ARID5B: variants seen among roughly 807,000 people sequenced by gnomAD.
ARID5B encodes the protein AT-rich interactive domain-containing protein 5B.
ARID5B carries 13 observed loss-of-function variants against 97.2 expected under a neutral mutation model. The observed-to-expected ratio is 0.13, with a 90% confidence interval of 0.09 to 0.21. The LOEUF (loss-of-function observed/expected upper bound fraction) is 0.21. Ranked by LOEUF, ARID5B falls within the 10% of genes least tolerant of loss-of-function variation. The pLI, the probability that ARID5B is intolerant of heterozygous loss-of-function variation, is 1.00. For synonymous variants in ARID5B, 556 were observed against 570.3 expected (o/e 0.97, Z 0.36); for missense variants, 1,210 against 1,465.3 (o/e 0.83, Z 2.84).
chr10:62,007,633 C>T (rs1011586911), intron 4 of ARID5B, among the ~76,000 whole-genome samples: 2 of 152,250 alleles, frequency 1.3e-5, no homozygotes, highest in African/African-American at 4.8e-5. Context: ...CCTTCTTGTG[C>T]CTCTTGCAGC....
At chr10:62,010,265 G>T (rs1484752021) in intron 4 of ARID5B, among the ~76,000 whole-genome samples, 2 of 152,188 alleles carry the variant, frequency 1.3e-5, no homozygotes, top group Non-Finnish European at 2.9e-5. Flanking sequence ...GCTGCTTCTA[G>T]GCTAAAAGAG....
intron 4 of ARID5B, among the ~76,000 whole-genome samples, chr10:62,017,654 A>G (rs1029695360): frequency 2.0e-5 from 3 of 152,146 alleles, no homozygotes; most frequent in Non-Finnish European, 4.4e-5. Flanking sequence ...TGTGTGTGCA[A>G]GTGATATTTC....
intron 2 of ARID5B, among the ~76,000 whole-genome samples, chr10:61,904,778 G>C (rs1204305385): frequency 6.6e-6 from 1 of 152,368 alleles, no homozygotes; most frequent in East Asian, 1.9e-4. Flanking sequence ...TTTCAATTGA[G>C]ATAATGACAC....
At chr10:62,049,443 G>C (rs1184396058) in intron 4 of ARID5B, 12 of 1,550,392 alleles carry the variant, frequency 7.7e-6, no homozygotes, top group Non-Finnish European at 9.6e-6. Context: ...GCTTTCATGA[G>C]CACAGGCATC....
intron 9 of ARID5B, among the ~76,000 whole-genome samples, chr10:62,086,829 C>G (rs1840291049): frequency 2.0e-5 from 3 of 151,870 alleles, no homozygotes; most frequent in African/African-American, 7.2e-5. Context: ...CCACTGCACT[C>G]CTGCCTGGGT....
chr10:61,991,041 T>TATACACACACAC (rs1554842858), intron 3 of ARID5B, among the ~76,000 whole-genome samples: 239 of 145,156 alleles, frequency 1.6e-3, no homozygotes, highest in East Asian at 4.5e-3. Flanking sequence ...ATTTATCCTG[T>TATACACACACAC]ACACACACAC....
At chr10:61,970,873 C>T (rs998584303) in intron 3 of ARID5B, among the ~76,000 whole-genome samples, 2 of 152,098 alleles carry the variant, frequency 1.3e-5, no homozygotes, top group South Asian at 4.1e-4. Flanking sequence ...TGACTTTCCC[C>T]CTAAACAATG....
intron 3 of ARID5B, among the ~76,000 whole-genome samples, chr10:61,979,428 G>A (rs1031178653): frequency 6.6e-6 from 1 of 152,044 alleles, no homozygotes; most frequent in Non-Finnish European, 1.5e-5. Flanking sequence ...ATTTCACAGA[G>A]TCGATGGGAG....
At chr10:62,001,651 G>A (rs1288882899) in intron 4 of ARID5B, among the ~76,000 whole-genome samples, 5 of 152,138 alleles carry the variant, frequency 3.3e-5, no homozygotes, top group East Asian at 1.9e-4. Context: ...GATGGCATAT[G>A]ATGATCAAGA....
chr10:62,085,340 A>C (rs1840266449), intron 8 of ARID5B, among the ~76,000 whole-genome samples: 1 of 152,180 alleles, frequency 6.6e-6, no homozygotes, highest in Non-Finnish European at 1.5e-5. Flanking sequence ...CTCAATAAAT[A>C]GTTGTTGATG....
intron 3 of ARID5B, among the ~76,000 whole-genome samples, chr10:61,981,978 A>T (rs1838783167): frequency 6.6e-6 from 1 of 152,226 alleles, no homozygotes; most frequent in African/African-American, 2.4e-5. Context: ...GTCTTGTATA[A>T]GACAAATGGC....
chr10:62,021,878 A>G (rs936257537), intron 4 of ARID5B, among the ~76,000 whole-genome samples: 7 of 152,252 alleles, frequency 4.6e-5, no homozygotes, highest in African/African-American at 1.2e-4. Context: ...CATCACCACA[A>G]TCATAGCAAC....
intron 3 of ARID5B, among the ~76,000 whole-genome samples, chr10:61,949,348 T>C (rs1311889054): frequency 1.3e-5 from 2 of 152,238 alleles, no homozygotes; most frequent in South Asian, 2.1e-4. Context: ...TAAAAGACCA[T>C]GATGGAGGCT....
chr10:62,011,263 C>T (rs1057494463), intron 4 of ARID5B, among the ~76,000 whole-genome samples: 1 of 152,146 alleles, frequency 6.6e-6, no homozygotes, highest in Non-Finnish European at 1.5e-5. Flanking sequence ...CACACAACAC[C>T]AGAAACATGA....
Position 62,094,659 on chromosome 10 carries a change from G to A in ARID5B, c.*1629G>A. 1 of 230,968 alleles carries A rather than the reference G, an allele frequency of 4.3e-6. No individual in the cohort carries two copies. The highest frequency in any genetic ancestry group is 8.6e-6 in the Non-Finnish European group (1 of 116,690). The allele number at this position is 230,968 out of a possible 1,614,324, so 14.3% of individuals were successfully genotyped here. On this transcript the variant is annotated 3_prime_UTR_variant, in exon 10 of 10. Transcript: ENST00000279873. ...TTTGCTACCGAGATATAACATTAAGGTGGACACATTTTCTAACTGTATTAA... is the reference window on the plus strand; with the variant it reads ...TTTGCTACCGAGATATAACATTAAGATGGACACATTTTCTAACTGTATTAA...
intron 2 of ARID5B, among the ~76,000 whole-genome samples, chr10:61,920,270 T>C (rs1225780346): frequency 1.3e-5 from 2 of 152,004 alleles, no homozygotes; most frequent in Non-Finnish European, 2.9e-5. Flanking sequence ...TTAATACAGT[T>C]CTAACTGCTC....
At chr10:62,047,461 C>CT (rs775781105) in intron 4 of ARID5B, among the ~76,000 whole-genome samples, 14 of 152,030 alleles carry the variant, frequency 9.2e-5, no homozygotes, top group Admixed American at 3.9e-4. Flanking sequence ...TCTAATAAAA[C>CT]TGACTGAAGC....
chr10:62,031,225 C>T (rs570976419), intron 4 of ARID5B, among the ~76,000 whole-genome samples: 2 of 152,290 alleles, frequency 1.3e-5, no homozygotes, highest in East Asian at 1.9e-4. Context: ...CAGAGCGAGA[C>T]TCCGTCTCAA....
chr10:62,025,528 C>T (rs1329023296), intron 4 of ARID5B, among the ~76,000 whole-genome samples: 3 of 152,136 alleles, frequency 2.0e-5, no homozygotes, highest in Non-Finnish European at 2.9e-5. Context: ...TTGTACTTAA[C>T]TTGTGGTCAT....
Sources: gnomAD v4.1 joint callset for allele counts (sites outside exome capture counted in the v4.1 genomes callset) on GRCh38, gnomAD v4.1.1 for gene constraint, MANE v1.5 for transcripts, NCBI Gene and HGNC (gene_info 2026-07-23, HGNC 2026-07-21) for gene names.